NRG1: variants seen among roughly 807,000 people sequenced by gnomAD.
NRG1 encodes the protein neuregulin 1.
NRG1 carries 18 observed loss-of-function variants against 63.8 expected under a neutral mutation model. The observed-to-expected ratio is 0.28, with a 90% CI of 0.19 to 0.42. The LOEUF is 0.42. NRG1 is among the 10% of genes least tolerant of loss of function. NRG1 has a pLI of 1.00. For synonymous variants in NRG1, 302 were observed against 301.3 expected, an observed-to-expected ratio of 1.00 and a Z score of -0.02; for missense variants, 762 against 814.7, an observed-to-expected ratio of 0.94 and a Z score of 0.79.
chr8:32,221,155 T>C lies in NRG1; in HGVS notation c.38-374673T>C, dbSNP rs542152961. 1.4e-4 allele frequency: 9 copies of C among 66,628 alleles called. No homozygotes were observed. In the East Asian group the frequency reaches 2.3e-3, roughly 17 times the overall value. The allele number at this position is 66,628 out of a possible 1,614,324, so 4.1% of individuals were successfully genotyped here. ...AAAGGTAATGAATATTTCTTATCTA[T>C]ATGCATATATATATATATTTCATTA... On this transcript the variant is annotated intron_variant, in intron 1 of 10. Coordinates refer to the NRG1 transcript ENST00000519301.
At chr8:31,870,924 TACTC>T (rs757248546) in intron 1 of NRG1, among the ~76,000 whole-genome samples, 4 of 152,176 alleles carry the variant, frequency 2.6e-5, no homozygotes, top group Non-Finnish European at 5.9e-5. Flanking sequence ...GTTTGGGAGA[TACTC>T]AAGAAAGGAG....
intron 5 of NRG1, among the ~76,000 whole-genome samples, chr8:32,641,255 C>T (rs1393390395): frequency 6.6e-6 from 1 of 151,870 alleles, no homozygotes; most frequent in Admixed American, 6.6e-5. Flanking sequence ...CCTATTGATA[C>T]TTTCTAGAAG....
At chr8:32,527,953 G>A (rs990338950) in intron 1 of NRG1, among the ~76,000 whole-genome samples, 3 of 152,102 alleles carry the variant, frequency 2.0e-5, no homozygotes, top group African/African-American at 2.4e-5. Flanking sequence ...TCACCCAGGC[G>A]TGGTCATGGT....
At chr8:32,519,907 T>C (rs1009478846) in intron 1 of NRG1, among the ~76,000 whole-genome samples, 1 of 152,144 alleles carries the variant, frequency 6.6e-6, no homozygotes, top group Non-Finnish European at 1.5e-5. Context: ...CAAACTGCAA[T>C]TGGGATAGAT....
At chr8:32,524,523 AT>A (rs370877465) in intron 1 of NRG1, among the ~76,000 whole-genome samples, 2 of 151,262 alleles carry the variant, frequency 1.3e-5, no homozygotes, top group African/African-American at 4.9e-5. Flanking sequence ...CCCTTCCAAA[AT>A]TTTTTCTAGA....
intron 1 of NRG1, among the ~76,000 whole-genome samples, chr8:31,924,191 G>GAA (rs1283847147): frequency 7.0e-6 from 1 of 142,678 alleles, no homozygotes; most frequent in Non-Finnish European, 1.5e-5. Context: ...TGTCTCTACT[G>GAA]AAAAAAAAAA....
intron 1 of NRG1, among the ~76,000 whole-genome samples, chr8:32,144,952 G>A (rs1171290487): frequency 6.6e-6 from 1 of 152,094 alleles, no homozygotes; most frequent in African/African-American, 2.4e-5. Context: ...CCTTATTCTT[G>A]TCGATTTGTT....
intron 1 of NRG1, among the ~76,000 whole-genome samples, chr8:32,133,658 A>G (rs2131651725): frequency 6.6e-6 from 1 of 152,226 alleles, no homozygotes; most frequent in African/African-American, 2.4e-5. Flanking sequence ...TCATACGAAA[A>G]CTAGATTTAT....
At chr8:32,602,259 ATC>A (rs1844504572) in intron 2 of NRG1, among the ~76,000 whole-genome samples, 1 of 152,014 alleles carries the variant, frequency 6.6e-6, no homozygotes, top group South Asian at 2.1e-4. Context: ...TTTTTTTTAA[ATC>A]TCTCTTTCTT....
rs36087607 is a variant in NRG1 at position 32,158,448 on chromosome 8, GATATATATATAT to G, written c.38-437367_38-437356del. Among the ~76,000 whole-genome samples the G allele has an allele frequency of 3.5e-4, 22 of 62,184 alleles. 2 individuals carry two copies. The highest frequency in any genetic ancestry group is 7.1e-4 in the South Asian group (1 of 1,418). The allele number at this position is 62,184 out of a possible 152,430, so 40.8% of individuals were successfully genotyped here. A position where few individuals can be genotyped will look rare whatever the true frequency, so the allele number is the denominator to read the frequency against. ...TCGTTTCTCTTTGTTTGGTTTACAT[GATATATATATAT>G]ATATATATATATCATGTATATGTAT... On this transcript the variant is annotated intron_variant, in intron 1 of 10. Coordinates refer to the NRG1 transcript ENST00000519301.
rs552224975 is a variant in NRG1, at chr8:31,708,691, C to T, written c.37+69260C>T. ...CGATCTCCTGACCTCGTGATCCGCC[C>T]GCCTCGGCCTCCCAAAGTGCTGGGA... On this transcript the variant is annotated intron_variant, in intron 1 of 10. Coordinates refer to the NRG1 transcript ENST00000519301. 6.6e-5 allele frequency among the ~76,000 whole-genome samples: 10 copies of T among 151,988 alleles called. No homozygotes were observed. The East Asian group carries it at 9.7e-4, about 15-fold the overall frequency.
At chr8:32,107,107 G>A (rs886097728) in intron 1 of NRG1, among the ~76,000 whole-genome samples, 11 of 151,910 alleles carry the variant, frequency 7.2e-5, no homozygotes, top group Non-Finnish European at 4.4e-5. Flanking sequence ...GTGGTGGTGC[G>A]TGCCTGTAAT....
At chr8:32,049,526 T>A (rs1821634515) in intron 1 of NRG1, among the ~76,000 whole-genome samples, 1 of 152,182 alleles carries the variant, frequency 6.6e-6, no homozygotes, top group South Asian at 2.1e-4. Flanking sequence ...AGAAATACTA[T>A]CTTCTTTTCA....
intron 1 of NRG1, among the ~76,000 whole-genome samples, chr8:32,373,411 G>C (rs971231120): frequency 6.6e-6 from 1 of 152,150 alleles, no homozygotes; most frequent in Non-Finnish European, 1.5e-5. Context: ...TCTTATAAAT[G>C]TATCTTTAAA....
intron 1 of NRG1, among the ~76,000 whole-genome samples, chr8:32,461,859 T>C (rs1488219275): frequency 6.6e-6 from 1 of 152,190 alleles, no homozygotes; most frequent in Non-Finnish European, 1.5e-5. Context: ...AGAATAGCCT[T>C]AGATATCTAA....
At chr8:32,748,420 C>T (rs774578539) in intron 7 of NRG1, among the ~76,000 whole-genome samples, 8 of 148,854 alleles carry the variant, frequency 5.4e-5, no homozygotes, top group Non-Finnish European at 1.2e-4. Flanking sequence ...TAGAGCCTTC[C>T]GCATCATGAA....
chr8:31,832,249 G>GTTTTT (rs5890599), intron 1 of NRG1, among the ~76,000 whole-genome samples: 27 of 136,144 alleles, frequency 2.0e-4, no homozygotes, highest in African/African-American at 1.6e-4. Context: ...AAATGCTCTA[G>GTTTTT]TTTTTTTTTT....
intron 5 of NRG1, chr8:32,646,604 T>G: frequency 1.2e-6 from 1 of 845,284 alleles, no homozygotes; most frequent in Non-Finnish European, 1.4e-6. Flanking sequence ...TCGCTGGCTT[T>G]CTCTGACCCA....
chr8:31,907,685 C>T (rs190670315), intron 1 of NRG1, among the ~76,000 whole-genome samples: 2 of 152,084 alleles, frequency 1.3e-5, no homozygotes, highest in Admixed American at 1.3e-4. Context: ...TTAAAATTCT[C>T]AATGTAATAG....
Sources: gnomAD v4.1 joint callset for allele counts (sites outside exome capture counted in the v4.1 genomes callset) on GRCh38, gnomAD v4.1.1 for gene constraint, MANE v1.5 for transcripts, NCBI Gene and HGNC (gene_info 2026-07-23, HGNC 2026-07-21) for gene names.